ABHD16A: variants seen among roughly 807,000 people sequenced by gnomAD.
ABHD16A encodes abhydrolase domain containing 16A, phospholipase.
In ABHD16A, 47 loss-of-function variants were observed where a neutral mutation model predicts 89.8. That is an observed-to-expected ratio of 0.52 (90% confidence interval 0.41 to 0.67). The LOEUF is 0.67. Among genes scored for constraint, ABHD16A ranks in the 30% least tolerant of loss-of-function variants. The probability of loss-of-function intolerance (pLI) is 0.00; values close to 1 mark genes in which losing one functional copy is unlikely to be tolerated. For missense variants in ABHD16A, 580 were observed against 734.6 expected, an observed-to-expected ratio of 0.79 and a Z score of 2.43; for synonymous variants, 251 against 280.4, an observed-to-expected ratio of 0.90 and a Z score of 1.05.
rs2151228152 is a variant in ABHD16A, at chr6:31,690,485, C to T, written c.907+54G>A. On this transcript the variant is annotated intron_variant, in intron 10 of 19. Transcript: ENST00000395952. This position sits in a 1 kb window ranked among gnomAD's most constrained non-coding sequence, Gnocchi z 4.1. The stretch of plus-strand genomic sequence containing the variant: ...GGGGAGGTCAGGTCAGTGTGGGAGG[C>T]AGGGACATTCCCTTTCAAAGGGCGG... The T allele has an allele frequency of 1.9e-6, 3 of 1,586,366 alleles. No homozygotes were observed. Among genetic ancestry groups the T allele is most frequent in the Non-Finnish European group, 8.7e-7 (1 of 1,155,922 alleles).
chr6:31,703,292 C>G lies in ABHD16A; in HGVS notation c.-11G>C. 1.5e-6 allele frequency: 2 copies of G among 1,341,652 alleles called. No individual in the cohort carries two copies. Among genetic ancestry groups the G allele is most frequent in the Non-Finnish European group, 1.9e-6 (2 of 1,034,730 alleles). The allele number at this position is 1,341,652 out of a possible 1,614,324, so 83.1% of individuals were successfully genotyped here. A position where few individuals can be genotyped will look rare whatever the true frequency, so the allele number is the denominator to read the frequency against. ...CAGCAGCTTCGCCATGGCCCCGGCT[C>G]GGGCCGCTGCTCTTCCAGCAGCAGG... On this transcript the variant is annotated 5_prime_UTR_variant, in exon 1 of 20. Coordinates refer to ENST00000395952, the MANE Select transcript of ABHD16A (RefSeq NM_021160.3).
In ABHD16A at chr6:31,688,829, T is replaced by C. The variant is rs766555812; in HGVS notation, c.1187-43A>G. ...TGAAGGGATGGCAGAGACAAAGCCC[T>C]TGCCCAACATAAAGGTCCTCACTAT... On this transcript the variant is annotated intron_variant, in intron 13 of 19. Transcript: ENST00000395952. This position sits in a 1 kb window ranked among gnomAD's most constrained non-coding sequence, Gnocchi z 4.9. 6.3e-7 allele frequency: 1 copy of C among 1,592,444 alleles called. No homozygotes were observed. Among genetic ancestry groups the C allele is most frequent in the East Asian group, 2.2e-5 (1 of 44,482 alleles).
chr6:31,687,424 T>C lies in ABHD16A; in HGVS notation c.1593+74A>G, dbSNP rs941235877. 189 of 1,610,568 alleles carry C rather than the reference T, an allele frequency of 1.2e-4. No individual in the cohort carries two copies. Among genetic ancestry groups the C allele is most frequent in the Non-Finnish European group, 1.5e-4 (182 of 1,177,890 alleles). ...CAAAAGCTGCCACTTCCAATGCTTA[T>C]AGGGTATCCCCAGTCCCCCTATGTG... On this transcript the variant is annotated intron_variant, in intron 19 of 19. Coordinates refer to ENST00000395952, the MANE Select transcript of ABHD16A (RefSeq NM_021160.3). The surrounding 1 kb of genome is among the most constrained non-coding windows in gnomAD (Gnocchi z 6.3).
Position 31,690,413 on chromosome 6 carries a change from C to T in ABHD16A, c.907+126G>A, listed in dbSNP as rs1803757613. 1.8e-6 allele frequency: 2 copies of T among 1,082,468 alleles called. No individual in the cohort carries two copies. Among genetic ancestry groups the T allele is most frequent in the African/African-American group, 1.6e-5 (1 of 63,858 alleles). 67.1% of individuals were successfully genotyped at this position (1,082,468 alleles called of 1,614,324 possible). On this transcript the variant is annotated intron_variant, in intron 10 of 19. Transcript: ENST00000395952. This position sits in a 1 kb window ranked among gnomAD's most constrained non-coding sequence, Gnocchi z 4.1. ...AAAGCAAATGGCGAGTGGACTTTTCCCTAAAGCTGAGAGACTCAAAACCTC... is the reference window on the plus strand; with the variant it reads ...AAAGCAAATGGCGAGTGGACTTTTCTCTAAAGCTGAGAGACTCAAAACCTC...
intron 4 of ABHD16A, 98 bp from the exon 5 acceptor site, chr6:31,697,131 G>C: frequency 9.1e-7 from 1 of 1,098,430 alleles, no homozygotes; most frequent in African/African-American, 1.6e-5. Flanking sequence ...AGAAGGCCCT[G>C]TAAGAAAAAG....
chr6:31,693,516 A>G lies in ABHD16A; in HGVS notation c.430-84T>C. 2 of 1,326,434 alleles carry G rather than the reference A, an allele frequency of 1.5e-6. No homozygotes were observed. The highest frequency in any genetic ancestry group is 2.4e-5 in the South Asian group (2 of 82,490). 82.2% of individuals were successfully genotyped at this position (1,326,434 alleles called of 1,614,324 possible). ...ACCCTCAACAACACCTTCGTTATCCAGGGGTCTGATCCCCACACATCATGG... is the reference window on the plus strand; with the variant it reads ...ACCCTCAACAACACCTTCGTTATCCGGGGGTCTGATCCCCACACATCATGG... On this transcript the variant is annotated intron_variant, in intron 5 of 19. Coordinates refer to ENST00000395952, the MANE Select transcript of ABHD16A (RefSeq NM_021160.3). The surrounding 1 kb of genome is among the most constrained non-coding windows in gnomAD (Gnocchi z 5.0).
intron 5 of ABHD16A, among the ~76,000 whole-genome samples, chr6:31,694,387 CTTTTTTTTTTTTT>C (rs1190272819): frequency 1.3e-5 from 1 of 77,720 alleles, no homozygotes; most frequent in Admixed American, 1.8e-4. Context: ...GGAGCTGTGT[CTTTTTTTTTTTTT>C]TTTTTTTTGA....
In ABHD16A at chr6:31,688,767, G is replaced by C. The variant is rs570037754; in HGVS notation, c.1206C>G (p.Thr402=). The C allele has an allele frequency of 4.1e-5, 66 of 1,612,994 alleles. No homozygotes were observed. In the East Asian group the frequency reaches 5.1e-4, roughly 13 times the overall value. Residue 402 remains threonine (T), a synonymous_variant, in exon 14 of 20, where the codon ACC becomes ACG. Transcript: ENST00000395952. The surrounding 1 kb of genome is among the most constrained non-coding windows in gnomAD (Gnocchi z 4.9). ...PDSWRGLVTR[T]VRQHLNLNNA... ...TGTTTAGATTGAGATGCTGCCTCAC[G>C]GTCCTGGTCACCAGGCCCCCTAGAG...
Position 31,691,912 on chromosome 6 carries a change from C to T in ABHD16A, c.633G>A (p.Leu211=), listed in dbSNP as rs1348551742. The T allele has an allele frequency of 5.0e-6, 8 of 1,605,256 alleles. No individual in the cohort carries two copies. The highest frequency in any genetic ancestry group is 6.8e-6 in the Non-Finnish European group (8 of 1,176,762). Residue 211 remains leucine, a synonymous_variant, in exon 8 of 20, where the codon CTG becomes CTA. Transcript: ENST00000395952. ...KKLPCQITSY[L]VAHTLGRRML... ...TCCGGCGCCCTAGGGTGTGCGCCAC[C>T]AGGTAGCTGTGGGGAACACAGGTTA...
intron 7 of ABHD16A, 127 bp downstream of exon 7, chr6:31,692,900 T>C (rs747911592): frequency 2.3e-6 from 3 of 1,302,058 alleles, no homozygotes; most frequent in Non-Finnish European, 3.3e-6. Flanking sequence ...CCATAAATGA[T>C]CTACACAAAC....
Position 31,690,844 on chromosome 6 carries a change from G to A in ABHD16A, c.844-242C>T, listed in dbSNP as rs1207030156. 1.3e-5 allele frequency among the ~76,000 whole-genome samples: 2 copies of A among 152,208 alleles called. No homozygotes were observed. The highest frequency in any genetic ancestry group is 6.5e-5 in the Admixed American group (1 of 15,280). ...ACCCAGCCATGTCTTTTCCTTGGAA[G>A]ATTACCAGCTGGATCTCTTTCAGGA... On this transcript the variant is annotated intron_variant, in intron 9 of 19. Transcript: ENST00000395952. The surrounding 1 kb of genome is among the most constrained non-coding windows in gnomAD (Gnocchi z 4.1).
At chr6:31,702,728 C>G (rs1480401082) in intron 1 of ABHD16A, 3 of 1,541,880 alleles carry the variant, frequency 1.9e-6, no homozygotes, top group South Asian at 2.4e-5. Context: ...AAATTCAAGG[C>G]GAGGGTAAAG....
chr6:31,701,079 TC>T, intron 3 of ABHD16A, 51 bp from the exon 4 acceptor site: 6 of 1,511,322 alleles, frequency 4.0e-6, no homozygotes. Flanking sequence ...GTCCCTCAGC[TC>T]CTCTTCCCAG....
At chr6:31,702,633 A>G in intron 1 of ABHD16A, 1 of 1,515,596 alleles carries the variant, frequency 6.6e-7, no homozygotes, top group Non-Finnish European at 8.8e-7. Context: ...AGCTCTCCAG[A>G]ATACAATGAC....
chr6:31,687,155 G>A lies in ABHD16A; in HGVS notation c.*57C>T. 4.1e-6 allele frequency: 6 copies of A among 1,476,928 alleles called. 1 individual carries two copies. Among genetic ancestry groups the A allele is most frequent in the Non-Finnish European group, 5.6e-6 (6 of 1,066,880 alleles). 91.5% of individuals were successfully genotyped at this position (1,476,928 alleles called of 1,614,324 possible). On this transcript the variant is annotated 3_prime_UTR_variant, in exon 20 of 20. Coordinates refer to ENST00000395952, the MANE Select transcript of ABHD16A (RefSeq NM_021160.3). This position sits in a 1 kb window ranked among gnomAD's most constrained non-coding sequence, Gnocchi z 6.3. ...GAACACAGAGAATCACAAATAAGAG[G>A]GTCTTTCCTCATGTCTCCTCTCACC...
At chr6:31,694,270 T>A (rs1236668108) in intron 5 of ABHD16A, among the ~76,000 whole-genome samples, 5 of 152,064 alleles carry the variant, frequency 3.3e-5, no homozygotes, top group Non-Finnish European at 7.4e-5. Flanking sequence ...TTGCCCAGGC[T>A]GGTCTCCAAC....
Position 31,689,221 on chromosome 6 carries a change from C to T in ABHD16A, c.1082-102G>A. The stretch of plus-strand genomic sequence containing the variant: ...TGACCCTATAGGCCAACCCCATTCC[C>T]CCTATGTTATCCCTTGTTTTTTTCT... On this transcript the variant is annotated intron_variant, in intron 12 of 19. Transcript: ENST00000395952. 4.8e-6 allele frequency: 5 copies of T among 1,046,102 alleles called. No individual in the cohort carries two copies. In the East Asian group the frequency reaches 1.3e-4, roughly 27 times the overall value. 64.8% of individuals were successfully genotyped at this position (1,046,102 alleles called of 1,614,324 possible). A position where few individuals can be genotyped will look rare whatever the true frequency, so the allele number is the denominator to read the frequency against.
intron 1 of ABHD16A, chr6:31,702,794 T>TG: frequency 1.4e-6 from 2 of 1,439,584 alleles, no homozygotes; most frequent in Non-Finnish European, 1.8e-6. Flanking sequence ...AAGAGGAAAC[T>TG]GGGAGTCTGA....
At chr6:31,696,335 G>GAA (rs565099419) in intron 5 of ABHD16A, among the ~76,000 whole-genome samples, 1 of 123,012 alleles carries the variant, frequency 8.1e-6, no homozygotes, top group Non-Finnish European at 1.8e-5. Flanking sequence ...TCTCAAAGAA[G>GAA]AAAAAAAAAA....
Sources: allele counts gnomAD v4.1 joint callset (sites outside exome capture counted in the v4.1 genomes callset), GRCh38; gene constraint gnomAD v4.1.1; non-coding constraint Gnocchi (gnomAD v3.1); transcripts MANE v1.5; gene names NCBI Gene and HGNC (gene_info 2026-07-23, HGNC 2026-07-21).